Variants in PEX5L observed in about 807,000 individuals in gnomAD.
PEX5L encodes the protein PEX5-related protein.
A neutral mutation model predicts 84.0 loss-of-function variants in PEX5L; 30 were observed. The observed-to-expected ratio is 0.36, with a 90% CI of 0.27 to 0.48. PEX5L has a LOEUF of 0.48. PEX5L is among the 20% of genes least tolerant of loss of function. The pLI, the probability that PEX5L is intolerant of heterozygous loss-of-function variation, is 0.99. For missense variants in PEX5L, 533 were observed against 754.6 expected, an observed-to-expected ratio of 0.71 and a Z score of 3.44; for synonymous variants, 270 against 283.1, an observed-to-expected ratio of 0.95 and a Z score of 0.46.
At chr3:180,012,222 C>T (rs889036655) in intron 1 of PEX5L, among the ~76,000 whole-genome samples, 3 of 152,118 alleles carry the variant, frequency 2.0e-5, no homozygotes, top group African/African-American at 7.2e-5. Context: ...CAGTGAAGAA[C>T]AGGGTTCCTA....
chr3:179,891,400 C>T (rs919234956), intron 3 of PEX5L, among the ~76,000 whole-genome samples: 7 of 152,002 alleles, frequency 4.6e-5, no homozygotes, highest in African/African-American at 1.7e-4. Context: ...AGGGCTCAAG[C>T]GTGAAAGACC....
At position 179,797,605 on chromosome 3, in the gene PEX5L, A is replaced by AAATATATATATATATATAT. The variant is rs1553807980; in HGVS notation, c.*4222_*4223insATATATATATATATATATT. 4 of 89,172 alleles carry AAATATATATATATATATAT rather than the reference A, an allele frequency of 4.5e-5. No individual in the cohort carries two copies. The highest frequency in any genetic ancestry group is 1.8e-4 in the African/African-American group (4 of 22,198). 5.5% of individuals were successfully genotyped at this position (89,172 alleles called of 1,614,324 possible). A position where few individuals can be genotyped will look rare whatever the true frequency, so the allele number is the denominator to read the frequency against. ...AACACTCTTTAAAAAAAAAAAAAAA[A>AAATATATATATATATATAT]ATATATATATATATATATATATATA... On this transcript the variant is annotated 3_prime_UTR_variant, in exon 15 of 15. Coordinates refer to ENST00000467460, the MANE Select transcript of PEX5L (RefSeq NM_016559.3).
rs566732254 is a variant in PEX5L at position 179,883,213 on chromosome 3, A to T, written c.311-3090T>A. 2.0e-5 allele frequency among the ~76,000 whole-genome samples: 3 copies of T among 152,242 alleles called. No homozygotes were observed. In the East Asian group the frequency reaches 5.8e-4, roughly 29 times the overall value. ...CTTCAGGGTGTAATCTTATTGTCACATATGCAGACTTTTCTCATGGACCAC... is the reference window on the plus strand; with the variant it reads ...CTTCAGGGTGTAATCTTATTGTCACTTATGCAGACTTTTCTCATGGACCAC... On this transcript the variant is annotated intron_variant, in intron 4 of 14. Coordinates refer to ENST00000467460, the MANE Select transcript of PEX5L (RefSeq NM_016559.3).
At chr3:180,023,800 A>G (rs1212031747) in intron 1 of PEX5L, among the ~76,000 whole-genome samples, 12 of 148,234 alleles carry the variant, frequency 8.1e-5, no homozygotes, top group African/African-American at 2.6e-4. Flanking sequence ...AGAGAGAGGG[A>G]GAGACTAGCT....
At chr3:179,915,187 A>T (rs1229420623) in intron 2 of PEX5L, among the ~76,000 whole-genome samples, 1 of 152,146 alleles carries the variant, frequency 6.6e-6, no homozygotes, top group Non-Finnish European at 1.5e-5. Context: ...TTGTTGAATG[A>T]TTTTTTAAAA....
At chr3:179,845,936 G>C (rs1577522075) in intron 8 of PEX5L, among the ~76,000 whole-genome samples, 1 of 152,202 alleles carries the variant, frequency 6.6e-6, no homozygotes, top group East Asian at 1.9e-4. Context: ...TTGGGAGGCT[G>C]AGACGGGCAG....
At chr3:180,018,830 G>C (rs1336613169) in intron 1 of PEX5L, among the ~76,000 whole-genome samples, 3 of 152,186 alleles carry the variant, frequency 2.0e-5, no homozygotes, top group Non-Finnish European at 4.4e-5. Context: ...CCTCTGAGAT[G>C]GCTCTCTAAG....
chr3:179,864,632 T>C (rs926501601), intron 7 of PEX5L, among the ~76,000 whole-genome samples: 2 of 152,114 alleles, frequency 1.3e-5, no homozygotes, highest in African/African-American at 4.8e-5. Context: ...GTAACTATCA[T>C]TAATAACAGT....
chr3:179,949,592 TAC>T (rs1395261144), intron 2 of PEX5L, among the ~76,000 whole-genome samples: 1 of 148,680 alleles, frequency 6.7e-6, no homozygotes, highest in Non-Finnish European at 1.5e-5. Flanking sequence ...TGGATTGCCT[TAC>T]AGAGTATCAT....
intron 8 of PEX5L, among the ~76,000 whole-genome samples, chr3:179,838,172 T>C (rs574592194): frequency 6.6e-6 from 1 of 152,238 alleles, no homozygotes; most frequent in Admixed American, 6.5e-5. Flanking sequence ...TTAGTGGCAT[T>C]CCTTCTTATT....
Position 179,952,010 on chromosome 3 carries a change from C to A in PEX5L, c.93+19584G>T, listed in dbSNP as rs554652487. 2.0e-5 allele frequency among the ~76,000 whole-genome samples: 3 copies of A among 152,220 alleles called. No homozygotes were observed. The South Asian group carries it at 6.2e-4, about 32-fold the overall frequency. On this transcript the variant is annotated intron_variant, in intron 2 of 14. Coordinates refer to ENST00000467460, the MANE Select transcript of PEX5L (RefSeq NM_016559.3). ...ATAAATTTGTGATAATTTACAATTA[C>A]AAAGCAATTGTTACAATAGTGACTT...
chr3:179,910,911 T>C (rs376828067), intron 2 of PEX5L, among the ~76,000 whole-genome samples: 20 of 152,214 alleles, frequency 1.3e-4, no homozygotes, highest in Admixed American at 1.2e-3. Context: ...ACACCTCTTA[T>C]AAATGTCAAT....
intron 2 of PEX5L, among the ~76,000 whole-genome samples, chr3:179,970,570 C>T (rs561068268): frequency 2.6e-5 from 4 of 152,250 alleles, no homozygotes; most frequent in South Asian, 4.1e-4. Flanking sequence ...GCAAGTTTTT[C>T]CAGAAGACCA....
intron 11 of PEX5L, 32 bp from the exon 12 acceptor site, chr3:179,809,700 T>C (rs1213446800): frequency 6.5e-7 from 1 of 1,539,994 alleles, no homozygotes; most frequent in Non-Finnish European, 8.8e-7. Flanking sequence ...ATTTCAGATT[T>C]TTTTTTGAGC....
intron 9 of PEX5L, among the ~76,000 whole-genome samples, chr3:179,819,486 T>C (rs926211467): frequency 6.6e-6 from 1 of 152,186 alleles, no homozygotes; most frequent in Non-Finnish European, 1.5e-5. Context: ...ACTTCTGTTG[T>C]TGGTAAATCA....
chr3:179,853,059 A>G (rs1298066628), intron 8 of PEX5L, among the ~76,000 whole-genome samples: 1 of 152,228 alleles, frequency 6.6e-6, no homozygotes, highest in African/African-American at 2.4e-5. Flanking sequence ...AAGGATGAAT[A>G]AAGAAGGAAG....
At chr3:179,809,332 G>T in intron 12 of PEX5L, 139 bp downstream of exon 12, 1 of 652,980 alleles carries the variant, frequency 1.5e-6, no homozygotes. Flanking sequence ...AACGAGTGAT[G>T]CTCCTCCAGC....
At chr3:179,821,367 C>T (rs1728473127) in intron 8 of PEX5L, among the ~76,000 whole-genome samples, 3 of 152,216 alleles carry the variant, frequency 2.0e-5, no homozygotes. Flanking sequence ...GATATACCAT[C>T]ACACTGACTT....
chr3:179,986,181 T>TATATATATATATATATATATAA (rs58775648), intron 1 of PEX5L, among the ~76,000 whole-genome samples: 6 of 149,946 alleles, frequency 4.0e-5, no homozygotes, highest in African/African-American at 1.5e-4. Context: ...TATATATATA[T>TATATATATATATATATATATAA]AACTTTATGT....
Sources: allele counts gnomAD v4.1 joint callset (sites outside exome capture counted in the v4.1 genomes callset), GRCh38; gene constraint gnomAD v4.1.1; transcripts MANE v1.5; gene names NCBI Gene and HGNC (gene_info 2026-07-23, HGNC 2026-07-21).